Variants in GPT2 observed in about 807,000 individuals in gnomAD.
GPT2 encodes the protein alanine aminotransferase 2.
In GPT2, 30 loss-of-function variants were observed where a neutral mutation model predicts 56.9. That is an observed-to-expected ratio of 0.53 (90% CI 0.39 to 0.72). The LOEUF (loss-of-function observed/expected upper bound fraction) is 0.72. Among genes scored for constraint, GPT2 ranks in the 30% least tolerant of loss-of-function variants. GPT2 has a pLI of 0.00. For synonymous variants in GPT2, 271 were observed against 283.1 expected, an observed-to-expected ratio of 0.96 and a Z score of 0.43; for missense variants, 542 against 703.4, an observed-to-expected ratio of 0.77 and a Z score of 2.60.
At chr16:46,921,242 C>T (rs1369161651) in intron 8 of GPT2, among the ~76,000 whole-genome samples, 1 of 152,170 alleles carries the variant, frequency 6.6e-6, no homozygotes, top group African/African-American at 2.4e-5. Flanking sequence ...GATCTTAGTT[C>T]ACTGCAACCT....
intron 4 of GPT2, among the ~76,000 whole-genome samples, chr16:46,901,106 G>C (rs1960808795): frequency 6.6e-6 from 1 of 152,238 alleles, no homozygotes; most frequent in African/African-American, 2.4e-5. Context: ...TCACCCAGCA[G>C]CTGGAGGCCA....
Position 46,930,218 on chromosome 16 carries a change from G to A in GPT2, c.*1221G>A, listed in dbSNP as rs1365253757. On this transcript the variant is annotated 3_prime_UTR_variant, in exon 12 of 12. Coordinates refer to ENST00000340124, the MANE Select transcript of GPT2 (RefSeq NM_133443.4). ...AGGAGGGTGCCATCCCCCAGCATGC[G>A]GCTTCTCTGCCATTAGCAGCCCTGG... The A allele has an allele frequency of 3.3e-5, 5 of 152,436 alleles. No individual in the cohort carries two copies. The highest frequency in any genetic ancestry group is 2.1e-4 in the South Asian group (1 of 4,840). 9.4% of individuals were successfully genotyped at this position (152,436 alleles called of 1,614,324 possible). A position where few individuals can be genotyped will look rare whatever the true frequency, so the allele number is the denominator to read the frequency against.
intron 4 of GPT2, among the ~76,000 whole-genome samples, chr16:46,902,976 T>C (rs1960848639): frequency 1.3e-5 from 2 of 151,610 alleles, no homozygotes. Flanking sequence ...GGGCCGGGCG[T>C]GGTGGCTCAC....
chr16:46,901,135 A>G (rs1960809259), intron 4 of GPT2, among the ~76,000 whole-genome samples: 1 of 152,176 alleles, frequency 6.6e-6, no homozygotes, highest in African/African-American at 2.4e-5. Flanking sequence ...CGCAGTGCTC[A>G]GTTTTGTTCA....
In GPT2 at chr16:46,909,668, G is replaced by T; in HGVS notation, c.577-16G>T. The T allele has an allele frequency of 6.2e-7, 1 of 1,608,936 alleles. No individual in the cohort carries two copies. Among genetic ancestry groups the T allele is most frequent in the South Asian group, 1.1e-5 (1 of 90,852 alleles). On this transcript the variant is annotated splice_polypyrimidine_tract_variant and intron_variant, in intron 5 of 11. Coordinates refer to ENST00000340124, the MANE Select transcript of GPT2 (RefSeq NM_133443.4). ...GAAGTAGTGCTGGCTTTCTAGATGTGAATTCTCTGTTGCAGACGATCCTGA... is the reference window on the plus strand; with the variant it reads ...GAAGTAGTGCTGGCTTTCTAGATGTTAATTCTCTGTTGCAGACGATCCTGA...
chr16:46,898,609 G>A (rs896036534), intron 3 of GPT2, among the ~76,000 whole-genome samples: 1 of 152,042 alleles, frequency 6.6e-6, no homozygotes, highest in African/African-American at 2.4e-5. Context: ...CAGTACAGTG[G>A]TATGCTCTCG....
At chr16:46,910,075 A>T (rs1961016523) in intron 6 of GPT2, 148 bp downstream of exon 6, 2 of 1,093,834 alleles carry the variant, frequency 1.8e-6, no homozygotes, top group East Asian at 5.2e-5. Context: ...GAAATTTGCC[A>T]CAGGCCACCT....
At chr16:46,893,199 C>T (rs550043828) in intron 2 of GPT2, among the ~76,000 whole-genome samples, 2 of 152,278 alleles carry the variant, frequency 1.3e-5, no homozygotes, top group African/African-American at 2.4e-5. Flanking sequence ...GGCGCAATCT[C>T]GGCTCACTGC....
chr16:46,912,152 A>G (rs1432996288), intron 6 of GPT2, among the ~76,000 whole-genome samples: 7 of 152,272 alleles, frequency 4.6e-5, no homozygotes, highest in African/African-American at 1.7e-4. Flanking sequence ...TAAAGGTGTC[A>G]GAGTGGACTG....
intron 2 of GPT2, among the ~76,000 whole-genome samples, chr16:46,891,279 G>A (rs1960579257): frequency 6.6e-6 from 1 of 152,040 alleles, no homozygotes. Context: ...GTCTCGCTCT[G>A]TTGCCCAGGC....
At chr16:46,904,625 A>C (rs756073391) in intron 4 of GPT2, among the ~76,000 whole-genome samples, 67 of 152,160 alleles carry the variant, frequency 4.4e-4, no homozygotes, top group Non-Finnish European at 8.8e-4. Context: ...CGCAGAAGTA[A>C]CATTCAGAGA....
chr16:46,913,406 C>G (rs1482911173), intron 6 of GPT2, among the ~76,000 whole-genome samples: 2 of 152,216 alleles, frequency 1.3e-5, no homozygotes, highest in African/African-American at 4.8e-5. Context: ...CAGGCAGGTT[C>G]TGCTGTCCTC....
chr16:46,926,121 A>G (rs1353281780), intron 10 of GPT2, among the ~76,000 whole-genome samples: 1 of 105,108 alleles, frequency 9.5e-6, no homozygotes, highest in East Asian at 2.8e-4. Context: ...ACAGAGTGAG[A>G]CTCTGTCTCA....
At chr16:46,912,406 C>T (rs11860484) in intron 6 of GPT2, among the ~76,000 whole-genome samples, 3 of 152,140 alleles carry the variant, frequency 2.0e-5, no homozygotes, top group African/African-American at 7.2e-5. Context: ...GCCTTACAGC[C>T]GAGCCTCTTC....
Position 46,919,372 on chromosome 16 carries a change from G to A in GPT2, c.1037+615G>A, listed in dbSNP as rs568812423. ...AGAACAGTCATTAGGAGAGAGGTAG[G>A]GGTGGGGTCGAAGGCTGAAGTGGTG... is the stretch of plus-strand genomic sequence containing the variant. On this transcript the variant is annotated intron_variant, in intron 8 of 11. Transcript: ENST00000340124. Among the ~76,000 whole-genome samples the A allele has an allele frequency of 3.9e-5, 6 of 152,322 alleles. No homozygotes were observed. In the East Asian group the frequency reaches 9.6e-4, roughly 24 times the overall value.
rs769561664 is a variant in GPT2, at chr16:46,926,912, T to A, written c.1369-13T>A. On this transcript the variant is annotated splice_polypyrimidine_tract_variant and intron_variant, in intron 10 of 11. Coordinates refer to ENST00000340124, the MANE Select transcript of GPT2 (RefSeq NM_133443.4). ...AAGCCAGGAATGATCATGAGCTCTG[T>A]CTGCTCCCATAGGCCCATCAAATGG... The A allele has an allele frequency of 6.6e-7, 1 of 1,516,724 alleles. No individual in the cohort carries two copies. The highest frequency in any genetic ancestry group is 8.9e-7 in the Non-Finnish European group (1 of 1,127,398). 94.0% of individuals were successfully genotyped at this position (1,516,724 alleles called of 1,614,324 possible).
In GPT2 at chr16:46,918,213, C is replaced by T. The variant is rs1403257518; in HGVS notation, c.901-408C>T. ...CAAAGGAAACCCAACAGGGTTAGCTCTTCAAATAGGAGGTCAGAGGAAAGG... is the reference window on the plus strand; with the variant it reads ...CAAAGGAAACCCAACAGGGTTAGCTTTTCAAATAGGAGGTCAGAGGAAAGG... On this transcript the variant is annotated intron_variant, in intron 7 of 11. Coordinates refer to ENST00000340124, the MANE Select transcript of GPT2 (RefSeq NM_133443.4). 2.0e-5 allele frequency among the ~76,000 whole-genome samples: 3 copies of T among 152,180 alleles called. No individual in the cohort carries two copies. The East Asian group carries it at 5.8e-4, about 29-fold the overall frequency.
intron 7 of GPT2, among the ~76,000 whole-genome samples, chr16:46,917,508 A>G (rs547984753): frequency 6.6e-6 from 1 of 152,294 alleles, no homozygotes; most frequent in East Asian, 1.9e-4. Flanking sequence ...CAGTTCTGGA[A>G]CCAGGGTCTG....
Position 46,929,532 on chromosome 16 carries a change from A to G in GPT2, c.*535A>G, listed in dbSNP as rs1163841929. 6.2e-6 allele frequency: 1 copy of G among 160,316 alleles called. No individual in the cohort carries two copies. Among genetic ancestry groups the G allele is most frequent in the Non-Finnish European group, 1.4e-5 (1 of 72,486 alleles). 9.9% of individuals were successfully genotyped at this position (160,316 alleles called of 1,614,324 possible). On this transcript the variant is annotated 3_prime_UTR_variant, in exon 12 of 12. Transcript: ENST00000340124. Reference sequence around the variant, plus strand: ...AGGCAGGCGCCGGGAGCGCAGTAGCACGTGGACTGGGCAGGATGTTGCACT... The same window carrying G: ...AGGCAGGCGCCGGGAGCGCAGTAGCGCGTGGACTGGGCAGGATGTTGCACT...
Sources: gnomAD v4.1 joint callset for allele counts (sites outside exome capture counted in the v4.1 genomes callset) on GRCh38, gnomAD v4.1.1 for gene constraint, MANE v1.5 for transcripts, NCBI Gene and HGNC (gene_info 2026-07-23, HGNC 2026-07-21) for gene names.